Variants in SH3PXD2B observed in about 807,000 individuals in gnomAD.
SH3PXD2B encodes the protein SH3 and PX domains 2B, also known as SH3 and PX domain-containing protein 2B.
Under a neutral mutation model 73.1 loss-of-function variants are expected in SH3PXD2B, and 37 were observed. That is an observed-to-expected ratio of 0.51 (90% CI 0.39 to 0.67). SH3PXD2B has a LOEUF of 0.67. SH3PXD2B is among the 30% of genes least tolerant of loss of function. The probability of loss-of-function intolerance (pLI) is 0.00; values close to 1 mark genes in which losing one functional copy is unlikely to be tolerated. For missense variants in SH3PXD2B, 1,053 were observed against 1,197.8 expected, an observed-to-expected ratio of 0.88 and a Z score of 1.78; for synonymous variants, 457 against 480.5, an observed-to-expected ratio of 0.95 and a Z score of 0.64.
At chr5:172,392,672 C>A (rs1383905417) in intron 4 of SH3PXD2B, among the ~76,000 whole-genome samples, 1 of 151,614 alleles carries the variant, frequency 6.6e-6, no homozygotes, top group Non-Finnish European at 1.5e-5. Flanking sequence ...GTAATCCCAG[C>A]GACTCAGGAG....
intron 6 of SH3PXD2B, among the ~76,000 whole-genome samples, chr5:172,368,500 A>ATATATATAAAATATATATATAT (rs1757589183): frequency 2.1e-4 from 4 of 19,146 alleles, no homozygotes; most frequent in South Asian, 1.8e-3. Flanking sequence ...TATATATTAT[A>ATATATATAAAATATATATATAT]TATATATATA....
intron 6 of SH3PXD2B, 30 bp downstream of exon 6, chr5:172,373,760 C>G: frequency 1.2e-6 from 2 of 1,607,600 alleles, no homozygotes; most frequent in Non-Finnish European, 1.7e-6. Context: ...GAAAACTGAA[C>G]GAAGAGAAGA....
rs1317726413 is a variant in SH3PXD2B, at chr5:172,368,589, A to AC, written c.427+5200_427+5201insG. 1.7e-3 allele frequency among the ~76,000 whole-genome samples: 23 copies of AC among 13,204 alleles called. 4 individuals carry two copies. Among genetic ancestry groups the AC allele is most frequent in the African/African-American group, 0.013 (23 of 1,756 alleles). The allele number at this position is 13,204 out of a possible 152,430, so 8.7% of individuals were successfully genotyped here. The stretch of plus-strand genomic sequence containing the variant: ...ATAAAATATGTTATATATATATATA[A>AC]AATATGTTATATATATAATATATAT... On this transcript the variant is annotated intron_variant, in intron 6 of 12. Transcript: ENST00000311601.
At position 172,337,504 on chromosome 5, in the gene SH3PXD2B, C is replaced by G; in HGVS notation, c.*865G>C. 2.0e-6 allele frequency: 2 copies of G among 985,534 alleles called. No individual in the cohort carries two copies. The highest frequency in any genetic ancestry group is 2.4e-6 in the Non-Finnish European group (2 of 829,988). The allele number at this position is 985,534 out of a possible 1,614,324, so 61.0% of individuals were successfully genotyped here. On this transcript the variant is annotated 3_prime_UTR_variant, in exon 13 of 13. Coordinates refer to ENST00000311601, the MANE Select transcript of SH3PXD2B (RefSeq NM_001017995.3). ...TGTTTGGCACCCACGAGGCACTCAG[C>G]AAAGGGGTGCTCACAAGGGCACGAC... is the stretch of plus-strand genomic sequence containing the variant.
Position 172,339,544 on chromosome 5 carries a change from T to C in SH3PXD2B, c.1561A>G (p.Ser521Gly), listed in dbSNP as rs574600369. 1.4e-4 allele frequency: 228 copies of C among 1,614,202 alleles called. 3 individuals are homozygous for C. In the South Asian group the frequency reaches 2.1e-3, roughly 15 times the overall value. ...ISDPDMEEKP[S>G]LPPRKESIIK... ...ATGGATTCTTTCCGCGGAGGGAGGCTGGGCTTCTCCTCCATGTCGGGGTCT... is the reference window on the plus strand; with the variant it reads ...ATGGATTCTTTCCGCGGAGGGAGGCCGGGCTTCTCCTCCATGTCGGGGTCT... Residue 521 changes from serine to glycine, a missense_variant, in exon 13 of 13, where the codon AGC (serine) becomes GGC (glycine). This residue lies in a region of SH3PXD2B where 587 missense variants were observed against 590.7 expected (regional missense o/e 0.99). Coordinates refer to ENST00000311601, the MANE Select transcript of SH3PXD2B (RefSeq NM_001017995.3). The surrounding 1 kb of genome is among the most constrained non-coding windows in gnomAD (Gnocchi z 6.1).
At chr5:172,370,313 A>C (rs1757671809) in intron 6 of SH3PXD2B, among the ~76,000 whole-genome samples, 1 of 152,252 alleles carries the variant, frequency 6.6e-6, no homozygotes, top group South Asian at 2.1e-4. Flanking sequence ...TTAACACCTG[A>C]TGGTGGCACA....
chr5:172,381,508 C>T (rs758064705), intron 5 of SH3PXD2B, among the ~76,000 whole-genome samples: 13 of 152,098 alleles, frequency 8.5e-5, no homozygotes, highest in South Asian at 2.1e-4. Context: ...TAGCGACAGG[C>T]GTCTGGGCAA....
chr5:172,334,308 C>T lies in SH3PXD2B; in HGVS notation c.*4061G>A. On this transcript the variant is annotated 3_prime_UTR_variant, in exon 13 of 13. Transcript: ENST00000311601. ...AGCCTCCGGTTCCAGCTCTGCAGCT[C>T]TGCCTGGGACCCTCGTGGAAACTTA... 1.0e-6 allele frequency: 1 copy of T among 996,958 alleles called. No individual in the cohort carries two copies. The highest frequency in any genetic ancestry group is 1.2e-6 in the Non-Finnish European group (1 of 838,798). The allele number at this position is 996,958 out of a possible 1,614,324, so 61.8% of individuals were successfully genotyped here. A position where few individuals can be genotyped will look rare whatever the true frequency, so the allele number is the denominator to read the frequency against.
intron 1 of SH3PXD2B, among the ~76,000 whole-genome samples, chr5:172,429,061 C>G (rs915008177): frequency 1.3e-5 from 2 of 152,220 alleles, no homozygotes; most frequent in Non-Finnish European, 2.9e-5. Context: ...AAGTTTCACG[C>G]GAGCAAGGAC....
intron 5 of SH3PXD2B, among the ~76,000 whole-genome samples, chr5:172,379,209 G>C (rs1030178417): frequency 6.6e-6 from 1 of 151,174 alleles, no homozygotes; most frequent in Non-Finnish European, 1.5e-5. Flanking sequence ...CCCCGGATAG[G>C]ATTAGCGCCT....
At chr5:172,383,550 T>C (rs777065751) in intron 4 of SH3PXD2B, among the ~76,000 whole-genome samples, 1 of 152,222 alleles carries the variant, frequency 6.6e-6, no homozygotes, top group Non-Finnish European at 1.5e-5. Flanking sequence ...TAAGCCTCCT[T>C]TGGCCCGGGC....
chr5:172,371,113 G>T (rs1489427933), intron 6 of SH3PXD2B, among the ~76,000 whole-genome samples: 1 of 152,140 alleles, frequency 6.6e-6, no homozygotes, highest in Non-Finnish European at 1.5e-5. Context: ...ATCTACCACA[G>T]AAGTTTTCTG....
At chr5:172,376,335 T>C (rs540300112) in intron 5 of SH3PXD2B, among the ~76,000 whole-genome samples, 2 of 152,212 alleles carry the variant, frequency 1.3e-5, no homozygotes, top group African/African-American at 4.8e-5. Context: ...GGCCTATCTA[T>C]CTTCTTGATT....
At chr5:172,363,585 C>T (rs1757442563) in intron 6 of SH3PXD2B, among the ~76,000 whole-genome samples, 1 of 152,110 alleles carries the variant, frequency 6.6e-6, no homozygotes, top group African/African-American at 2.4e-5. Flanking sequence ...CAAGACCTCC[C>T]TAAGGAGGTG....
At chr5:172,398,146 C>T (rs941925573) in intron 3 of SH3PXD2B, among the ~76,000 whole-genome samples, 9 of 152,214 alleles carry the variant, frequency 5.9e-5, no homozygotes, top group African/African-American at 1.9e-4. Context: ...AGGCAAGTGG[C>T]GGATGGTAAC....
Position 172,336,562 on chromosome 5 carries a change from A to G in SH3PXD2B, c.*1807T>C. On this transcript the variant is annotated 3_prime_UTR_variant, in exon 13 of 13. Transcript: ENST00000311601. ...GGGTGGAGCTGGGAGGCGCGGCAGAAGAGGGCTGTTCAAGCAAAACTTTGG... is the reference window on the plus strand; with the variant it reads ...GGGTGGAGCTGGGAGGCGCGGCAGAGGAGGGCTGTTCAAGCAAAACTTTGG... The G allele has an allele frequency of 1.0e-6, 1 of 986,162 alleles. No homozygotes were observed. The highest frequency in any genetic ancestry group is 1.2e-6 in the Non-Finnish European group (1 of 830,124). 61.1% of individuals were successfully genotyped at this position (986,162 alleles called of 1,614,324 possible).
chr5:172,334,996 A>G lies in SH3PXD2B; in HGVS notation c.*3373T>C. 4.1e-6 allele frequency: 4 copies of G among 985,420 alleles called. No individual in the cohort carries two copies. The highest frequency in any genetic ancestry group is 4.8e-6 in the Non-Finnish European group (4 of 829,952). 61.0% of individuals were successfully genotyped at this position (985,420 alleles called of 1,614,324 possible). A position where few individuals can be genotyped will look rare whatever the true frequency, so the allele number is the denominator to read the frequency against. Reference sequence around the variant, plus strand: ...GGGCTCCAGCGATCCCCCAGTAGGGAAGGGCCATTAAAAGCGGTTTAAGCT... The same window carrying G: ...GGGCTCCAGCGATCCCCCAGTAGGGGAGGGCCATTAAAAGCGGTTTAAGCT... On this transcript the variant is annotated 3_prime_UTR_variant, in exon 13 of 13. Transcript: ENST00000311601.
intron 6 of SH3PXD2B, among the ~76,000 whole-genome samples, chr5:172,365,144 G>A (rs538251134): frequency 2.0e-5 from 3 of 152,310 alleles, no homozygotes; most frequent in Non-Finnish European, 4.4e-5. Flanking sequence ...CATAGAGAAA[G>A]CATGAGGAGA....
At position 172,334,640 on chromosome 5, in the gene SH3PXD2B, C is replaced by T. The variant is rs746275166; in HGVS notation, c.*3729G>A. 50 of 985,360 alleles carry T rather than the reference C, an allele frequency of 5.1e-5. No individual in the cohort carries two copies. Among genetic ancestry groups the T allele is most frequent in the East Asian group, 1.1e-4 (1 of 8,832 alleles). The allele number at this position is 985,360 out of a possible 1,614,324, so 61.0% of individuals were successfully genotyped here. ...GTAAGACTTGGGCACGATGAAAGGA[C>T]GGGGGTCCAGCTACGAATGTTTTTG... is the stretch of plus-strand genomic sequence containing the variant. On this transcript the variant is annotated 3_prime_UTR_variant, in exon 13 of 13. Coordinates refer to ENST00000311601, the MANE Select transcript of SH3PXD2B (RefSeq NM_001017995.3).
Sources: gnomAD v4.1 joint callset for allele counts (sites outside exome capture counted in the v4.1 genomes callset) on GRCh38, gnomAD v4.1.1 for gene constraint, gnomAD v4.1.1 regional missense constraint, Gnocchi (gnomAD v3.1) non-coding constraint, MANE v1.5 for transcripts, NCBI Gene and HGNC (gene_info 2026-07-23, HGNC 2026-07-21) for gene names.